Variants in PRRT1 observed in about 807,000 individuals in gnomAD.
PRRT1 encodes proline-rich transmembrane protein 1.
Under a neutral mutation model 22.6 loss-of-function variants are expected in PRRT1, and 8 were observed. The observed-to-expected ratio is 0.35, with a 90% CI of 0.21 to 0.64. PRRT1 has a LOEUF of 0.64. PRRT1 is among the 30% of genes least tolerant of loss of function. The pLI, the probability that PRRT1 is intolerant of heterozygous loss-of-function variation, is 0.69. For synonymous variants in PRRT1, 176 were observed against 203.6 expected, an observed-to-expected ratio of 0.86 and a Z score of 1.15; for missense variants, 315 against 444.5, an observed-to-expected ratio of 0.71 and a Z score of 2.62.
At chr6:32,151,986 A>AGGGGGGG, upstream of PRRT1, 4 of 75,940 alleles carry the variant, frequency 5.3e-5, no homozygotes, top group African/African-American at 5.6e-4. Flanking sequence ...GCGGAGGGAG[A>AGGGGGGG]GCGGGGAGGG....
upstream of PRRT1, chr6:32,151,986 A>AGGGGGGGGGGG: frequency 2.6e-5 from 2 of 75,944 alleles, no homozygotes; most frequent in Non-Finnish European, 2.5e-5. Context: ...GCGGAGGGAG[A>AGGGGGGGGGGG]GCGGGGAGGG....
At chr6:32,151,980 A>AGGGGGGGGG, upstream of PRRT1, 13 of 78,278 alleles carry the variant, frequency 1.7e-4, no homozygotes, top group South Asian at 2.1e-4. Flanking sequence ...GGGCGGGCGG[A>AGGGGGGGGG]GGGAGAGCGG....
At chr6:32,152,570 G>A (rs576192729), upstream of PRRT1, among the ~76,000 whole-genome samples, 3 of 152,190 alleles carry the variant, frequency 2.0e-5, no homozygotes, top group Non-Finnish European at 2.9e-5. Context: ...TACCTTCTTC[G>A]TCCAGGACTA....
chr6:32,150,748 C>A lies in PRRT1; in HGVS notation c.178G>T (p.Gly60Trp). 6.5e-7 allele frequency: 1 copy of A among 1,528,056 alleles called. No individual in the cohort carries two copies. The highest frequency in any genetic ancestry group is 8.8e-7 in the Non-Finnish European group (1 of 1,136,762). 94.7% of individuals were successfully genotyped at this position (1,528,056 alleles called of 1,614,324 possible). Reference protein sequence around the residue: ...QSGTATLPRLGAGGLASSAAT... With the variant: ...QSGTATLPRLWAGGLASSAAT... ...GCGGAAGAGGCCAGGCCCCCTGCCC[C>A]TAAGCGCGGGAGGGTGGCGGTGCCA... Residue 60 changes from glycine to tryptophan, a missense_variant, in exon 2 of 4, where the codon GGG becomes TGG. This residue lies in a region of PRRT1 where 263 missense variants were observed against 328.5 expected (regional missense o/e 0.80). Transcript: ENST00000211413. The surrounding 1 kb of genome is among the most constrained non-coding windows in gnomAD (Gnocchi z 7.2).
At position 32,150,634 on chromosome 6, in the gene PRRT1, G is replaced by A. The variant is rs1783209840; in HGVS notation, c.292C>T (p.Pro98Ser). The A allele has an allele frequency of 1.4e-6, 2 of 1,417,898 alleles. No individual in the cohort carries two copies. The highest frequency in any genetic ancestry group is 3.1e-5 in the South Asian group (2 of 64,762). The allele number at this position is 1,417,898 out of a possible 1,614,324, so 87.8% of individuals were successfully genotyped here. The stretch of plus-strand genomic sequence containing the variant: ...CGGGGCAAGGTAGCGCAGCCGGGTG[G>A]GGGTGCCCCGGCAGCAGGGCCGGGA... ...APPGPAAGAPPPGCATLPRMP... is the reference protein window; with the variant it reads ...APPGPAAGAPSPGCATLPRMP... Residue 98 changes from proline to serine, a missense_variant, in exon 2 of 4, where the codon CCA becomes TCA. Coordinates refer to ENST00000211413, the MANE Select transcript of PRRT1 (RefSeq NM_030651.4). This position sits in a 1 kb window ranked among gnomAD's most constrained non-coding sequence, Gnocchi z 7.2.
rs1358380977 is a variant in PRRT1, at chr6:32,149,110, G to C, written c.*112C>G. 1 of 1,149,726 alleles carries C rather than the reference G, an allele frequency of 8.7e-7. No individual in the cohort carries two copies. The highest frequency in any genetic ancestry group is 2.0e-5 in the Admixed American group (1 of 50,602). The allele number at this position is 1,149,726 out of a possible 1,614,324, so 71.2% of individuals were successfully genotyped here. On this transcript the variant is annotated 3_prime_UTR_variant, in exon 4 of 4. Transcript: ENST00000211413. The surrounding 1 kb of genome is among the most constrained non-coding windows in gnomAD (Gnocchi z 8.7). Reference sequence around the variant, plus strand: ...GAGGCGGAGTTTACGATGTATCCAAGTCTGACGGCCCCAGAAACGGGTGTG... The same window carrying C: ...GAGGCGGAGTTTACGATGTATCCAACTCTGACGGCCCCAGAAACGGGTGTG...
At chr6:32,151,984 A>AGGGGGGG, upstream of PRRT1, 2 of 76,800 alleles carry the variant, frequency 2.6e-5, no homozygotes, top group Admixed American at 2.0e-4. Flanking sequence ...GGGCGGAGGG[A>AGGGGGGG]GAGCGGGGAG....
rs1281752476 is a variant in PRRT1 at position 32,149,321 on chromosome 6, G to A, written c.822C>T (p.Ile274=). 2 of 1,610,190 alleles carry A rather than the reference G, an allele frequency of 1.2e-6. No homozygotes were observed. Among genetic ancestry groups the A allele is most frequent in the South Asian group, 1.1e-5 (1 of 90,394 alleles). The change falls in exon 4 of 4, where the codon ATC becomes ATT. Residue 274 remains isoleucine (I), a synonymous_variant. Coordinates refer to ENST00000211413, the MANE Select transcript of PRRT1 (RefSeq NM_030651.4). The surrounding 1 kb of genome is among the most constrained non-coding windows in gnomAD (Gnocchi z 8.7). The part of the protein sequence containing the change: ...ASREARNFSF[I]SLAVGIAAMV... ...TGGCCGCGATGCCCACGGCCAGGGA[G>A]ATGAAGGAGAAGTTCCGGGCCTCGC... is the stretch of plus-strand genomic sequence containing the variant.
rs1245750878 is a variant in PRRT1, at chr6:32,149,245, G to A, written c.898C>T (p.His300Tyr). The A allele has an allele frequency of 6.2e-7, 1 of 1,611,820 alleles. No individual in the cohort carries two copies. The highest frequency in any genetic ancestry group is 8.5e-7 in the Non-Finnish European group (1 of 1,179,818). Residue 300 changes from histidine to tyrosine, a missense_variant, in exon 4 of 4, where the codon CAC becomes TAC. By Grantham distance (83) the His-to-Tyr change is moderately conservative (BLOSUM62 2). This residue lies in a region of PRRT1 where 24 missense variants were observed against 38.2 expected (regional missense o/e 0.63). Coordinates refer to ENST00000211413, the MANE Select transcript of PRRT1 (RefSeq NM_030651.4). The surrounding 1 kb of genome is among the most constrained non-coding windows in gnomAD (Gnocchi z 8.7). ...TVVIIIAAQH[H>Y]ENYWDP Reference sequence around the variant, plus strand: ...TTTTAGGGATCCCAGTAGTTCTCGTGGTGCTGCGCGGCGATGATGATGACT... The same window carrying A: ...TTTTAGGGATCCCAGTAGTTCTCGTAGTGCTGCGCGGCGATGATGATGACT...
Position 32,149,696 on chromosome 6 carries a change from T to A in PRRT1, c.585A>T (p.Gly195=). The A allele has an allele frequency of 6.2e-7, 1 of 1,601,690 alleles. No individual in the cohort carries two copies. The highest frequency in any genetic ancestry group is 8.5e-7 in the Non-Finnish European group (1 of 1,174,458). ...GGGGGAGAGTGGAGGTCACTCCTGT[T>A]CCCCCCGGGGTCCCGCCTGCATATG... ...GTPYAGGTPG[G]TGVTSTLPPP... Residue 195 remains glycine, a synonymous_variant, in exon 3 of 4, where the codon GGA becomes GGT. Coordinates refer to ENST00000211413, the MANE Select transcript of PRRT1 (RefSeq NM_030651.4). The surrounding 1 kb of genome is among the most constrained non-coding windows in gnomAD (Gnocchi z 8.7).
Position 32,150,356 on chromosome 6 carries a change from C to T in PRRT1, c.558+12G>A. 1.3e-6 allele frequency: 2 copies of T among 1,554,828 alleles called. No individual in the cohort carries two copies. The highest frequency in any genetic ancestry group is 1.4e-5 in the African/African-American group (1 of 69,964). Reference sequence around the variant, plus strand: ...CCCCTCTTTCCCATGTCCCTGTCTGCCCGGCACTCACCGTGCCCACCGGGT... The same window carrying T: ...CCCCTCTTTCCCATGTCCCTGTCTGTCCGGCACTCACCGTGCCCACCGGGT... On this transcript the variant is annotated intron_variant, in intron 2 of 3. Transcript: ENST00000211413. The surrounding 1 kb of genome is among the most constrained non-coding windows in gnomAD (Gnocchi z 7.2).
rs764742077 is a variant in PRRT1 at position 32,149,515 on chromosome 6, C to G, written c.744+22G>C. The G allele has an allele frequency of 1.9e-6, 3 of 1,612,636 alleles. No individual in the cohort carries two copies. Among genetic ancestry groups the G allele is most frequent in the African/African-American group, 1.3e-5 (1 of 75,050 alleles). ...GAACTCCCTGTCCCCGCCCCCAAAC[C>G]GAGTATGCCCCTGCCCCCTACCTGC... On this transcript the variant is annotated intron_variant, in intron 3 of 3. Transcript: ENST00000211413. This position sits in a 1 kb window ranked among gnomAD's most constrained non-coding sequence, Gnocchi z 8.7.
At position 32,150,595 on chromosome 6, in the gene PRRT1, G is replaced by T; in HGVS notation, c.331C>A (p.Pro111Thr). 2 of 1,396,038 alleles carry T rather than the reference G, an allele frequency of 1.4e-6. No individual in the cohort carries two copies. The highest frequency in any genetic ancestry group is 2.9e-5 in the East Asian group (1 of 34,848). 86.5% of individuals were successfully genotyped at this position (1,396,038 alleles called of 1,614,324 possible). ...TCGAAGCGAGTCTCCTGCAGGTAAG[G>T]GTCGGGTGGCATGCGGGGCAAGGTA... is the stretch of plus-strand genomic sequence containing the variant. Reference protein sequence around the residue: ...CATLPRMPPDPYLQETRFEGP... With the variant: ...CATLPRMPPDTYLQETRFEGP... The change falls in exon 2 of 4, where the codon CCT becomes ACT. Residue 111 changes from proline (P) to threonine (T), a missense_variant. Pro to Thr is a conservative substitution (Grantham distance 38, BLOSUM62 -1). Around this residue, in one of 4 missense-constraint regions of PRRT1, gnomAD observed 263 missense variants for 328.5 expected, o/e 0.80. Transcript: ENST00000211413. This position sits in a 1 kb window ranked among gnomAD's most constrained non-coding sequence, Gnocchi z 7.2.
rs901196137 is a variant in PRRT1 at position 32,150,103 on chromosome 6, C to A, written c.558+265G>T. ...TCCATTCCCCCCGTCCCCCGCCAGGCGGTTTCCTACTTTCAGACCTCCTCT... is the reference window on the plus strand; with the variant it reads ...TCCATTCCCCCCGTCCCCCGCCAGGAGGTTTCCTACTTTCAGACCTCCTCT... On this transcript the variant is annotated intron_variant, in intron 2 of 3. Coordinates refer to ENST00000211413, the MANE Select transcript of PRRT1 (RefSeq NM_030651.4). This position sits in a 1 kb window ranked among gnomAD's most constrained non-coding sequence, Gnocchi z 7.2. 2.0e-5 allele frequency among the ~76,000 whole-genome samples: 3 copies of A among 151,972 alleles called. No individual in the cohort carries two copies. Among genetic ancestry groups the A allele is most frequent in the African/African-American group, 7.3e-5 (3 of 41,358 alleles).
chr6:32,151,543 C>G (rs1256986266), intron 1 of PRRT1: 1 of 571,786 alleles, frequency 1.7e-6, no homozygotes, highest in African/African-American at 1.9e-5. Flanking sequence ...GCCATCCCTG[C>G]AAAACCTGGC....
chr6:32,150,995 G>A lies in PRRT1; in HGVS notation c.20-89C>T. ...GGTAAGGGGAAACACAGCCGGTCAG[G>A]GATGGAGAAAGATAATGGGAGAGAC... On this transcript the variant is annotated intron_variant, in intron 1 of 3. Coordinates refer to ENST00000211413, the MANE Select transcript of PRRT1 (RefSeq NM_030651.4). The surrounding 1 kb of genome is among the most constrained non-coding windows in gnomAD (Gnocchi z 7.2). 7.5e-6 allele frequency: 8 copies of A among 1,068,356 alleles called. No individual in the cohort carries two copies. The highest frequency in any genetic ancestry group is 1.1e-5 in the Non-Finnish European group (8 of 718,488). The allele number at this position is 1,068,356 out of a possible 1,614,324, so 66.2% of individuals were successfully genotyped here.
chr6:32,150,560 A>G lies in PRRT1; in HGVS notation c.366T>C (p.Leu122=). Residue 122 remains leucine (L), a synonymous_variant, in exon 2 of 4, where the codon CTT becomes CTC. Coordinates refer to ENST00000211413, the MANE Select transcript of PRRT1 (RefSeq NM_030651.4). This position sits in a 1 kb window ranked among gnomAD's most constrained non-coding sequence, Gnocchi z 7.2. ...YLQETRFEGP[L]PPPPPAAAAP... ...CGGCGGCAGCGGGCGGCGGCGGGGG[A>G]AGTGGGCCCTCGAAGCGAGTCTCCT... The G allele has an allele frequency of 7.4e-7, 1 of 1,357,816 alleles. No homozygotes were observed. Among genetic ancestry groups the G allele is most frequent in the Non-Finnish European group, 9.4e-7 (1 of 1,058,400 alleles). 84.1% of individuals were successfully genotyped at this position (1,357,816 alleles called of 1,614,324 possible). A position where few individuals can be genotyped will look rare whatever the true frequency, so the allele number is the denominator to read the frequency against.
rs750827931 is a variant in PRRT1, at chr6:32,150,391, C to G, written c.535G>C (p.Val179Leu). 23 of 1,552,824 alleles carry G rather than the reference C, an allele frequency of 1.5e-5. No individual in the cohort carries two copies. The highest frequency in any genetic ancestry group is 1.4e-4 in the South Asian group (12 of 83,178). The change falls in exon 2 of 4, where the codon GTG (valine) becomes CTG (leucine). Residue 179 changes from valine (V) to leucine (L), a missense_variant. Physicochemically the swap from Val to Leu is conservative, Grantham distance 32 (BLOSUM62 1). Coordinates refer to ENST00000211413, the MANE Select transcript of PRRT1 (RefSeq NM_030651.4). This position sits in a 1 kb window ranked among gnomAD's most constrained non-coding sequence, Gnocchi z 7.2. ...ACCGTGCCCACCGGGTAGACCGGCA[C>G]GTAAGCAGTGCAAGGCTGCAGCTGC... Reference protein sequence around the residue: ...PLQLQPCTAYVPVYPVGTPYA... With the variant: ...PLQLQPCTAYLPVYPVGTPYA...
intron 1 of PRRT1, chr6:32,151,165 C>T (rs1227284141): frequency 2.9e-6 from 2 of 686,858 alleles, no homozygotes; most frequent in Non-Finnish European, 5.3e-6. Flanking sequence ...TCTTTTTCAT[C>T]ACCATGCACC....
Sources: allele counts gnomAD v4.1 joint callset (sites outside exome capture counted in the v4.1 genomes callset), GRCh38; gene constraint gnomAD v4.1.1; regional missense constraint gnomAD v4.1.1; non-coding constraint Gnocchi (gnomAD v3.1); transcripts MANE v1.5; gene names NCBI Gene and HGNC (gene_info 2026-07-23, HGNC 2026-07-21).